Variants in COL12A1 observed in about 807,000 individuals in gnomAD.
COL12A1 encodes collagen alpha-1(XII) chain.
COL12A1 carries 114 observed loss-of-function variants against 349.7 expected under a neutral mutation model. The observed-to-expected ratio is 0.33, with a 90% CI of 0.28 to 0.38. COL12A1 has a LOEUF of 0.38. COL12A1 is among the 10% of genes least tolerant of loss of function. COL12A1 has a pLI of 1.00. For missense variants in COL12A1, 3,284 were observed against 3,756.9 expected (o/e 0.87, Z 3.29); for synonymous variants, 1,369 against 1,329.0 (o/e 1.03, Z -0.66).
intron 52 of COL12A1, among the ~76,000 whole-genome samples, chr6:75,108,455 A>G (rs1385777349): frequency 2.0e-5 from 3 of 152,046 alleles, no homozygotes; most frequent in African/African-American, 4.8e-5. Context: ...AATTTTCCCT[A>G]TTAGATAGCA....
At chr6:75,087,478 A>T in intron 65 of COL12A1, 99 bp downstream of exon 65, 1 of 1,174,460 alleles carries the variant, frequency 8.5e-7, no homozygotes, top group Non-Finnish European at 1.2e-6. Context: ...TATCTTCAAG[A>T]CATCTTCAAA....
Position 75,143,061 on chromosome 6 carries a change from C to T in COL12A1, c.4827+191G>A, listed in dbSNP as rs11753997. Reference sequence around the variant, plus strand: ...ATTAATATCACACAGCAAAACATTTCTGTTTTGACAAGACAGTCCAATATA... The same window carrying T: ...ATTAATATCACACAGCAAAACATTTTTGTTTTGACAAGACAGTCCAATATA... On this transcript the variant is annotated intron_variant, in intron 26 of 65. Transcript: ENST00000322507. 0.089 allele frequency: 52,401 copies of T among 590,308 alleles called. 2,839 individuals carry two copies. The highest frequency in any genetic ancestry group is 0.11 in the South Asian group (5,337 of 47,368). 36.6% of individuals were successfully genotyped at this position (590,308 alleles called of 1,614,324 possible).
Position 75,090,858 on chromosome 6 carries a change from T to G in COL12A1, c.8752+465A>C, listed in dbSNP as rs889641634. On this transcript the variant is annotated intron_variant, in intron 62 of 65. Transcript: ENST00000322507. This position sits in a 1 kb window ranked among gnomAD's most constrained non-coding sequence, Gnocchi z 4.1. ...GTACCGCACTTTGGAAAACATTGAT[T>G]AAGACTTCTCTAAGAGTGAGTTATG... Among the ~76,000 whole-genome samples the G allele has an allele frequency of 1.3e-5, 2 of 152,176 alleles. No homozygotes were observed. The highest frequency in any genetic ancestry group is 2.9e-5 in the Non-Finnish European group (2 of 68,032).
intron 10 of COL12A1, among the ~76,000 whole-genome samples, chr6:75,182,106 A>C: frequency 6.6e-6 from 1 of 151,758 alleles, no homozygotes; most frequent in East Asian, 2.0e-4. Flanking sequence ...AAAAAAAAAA[A>C]AAAAAGAAAA....
chr6:75,102,628 C>T lies in COL12A1; in HGVS notation c.8384G>A (p.Gly2795Glu). Reference sequence around the variant, plus strand: ...TCCCGGAATAGAGAGTCCATTGGGTCCCTGAGGGCCTGGAGGACCCTGGGG... The same window carrying T: ...TCCCGGAATAGAGAGTCCATTGGGTTCCTGAGGGCCTGGAGGACCCTGGGG... Reference protein sequence around the residue: ...PGPQGPPGPQGPNGLSIPGEQ... With the variant: ...PGPQGPPGPQEPNGLSIPGEQ... The change falls in exon 56 of 66, where the codon GGA (glycine) becomes GAA (glutamate). Residue 2795 changes from glycine to glutamate, a missense_variant. Transcript: ENST00000322507. 6.4e-7 allele frequency: 1 copy of T among 1,564,862 alleles called. No homozygotes were observed. The highest frequency in any genetic ancestry group is 1.2e-5 in the South Asian group (1 of 83,956).
rs1276807384 is a variant in COL12A1, at chr6:75,134,828, C to T, written c.5422G>A (p.Val1808Met). The T allele has an allele frequency of 6.2e-7, 1 of 1,612,492 alleles. No individual in the cohort carries two copies. Reference sequence around the variant, plus strand: ...TCTGGCTTCAGTTTCTGCAGGACCACACTGTTCTGCCGTCCTCCTATTGTG... The same window carrying T: ...TCTGGCTTCAGTTTCTGCAGGACCATACTGTTCTGCCGTCCTCCTATTGTG... ...TTTIGGRQNS[V>M]VLQKLKPDTP... The change falls in exon 32 of 66, where the codon GTG becomes ATG. Residue 1808 changes from valine to methionine, a missense_variant. Val to Met is a conservative substitution (Grantham distance 21). Around this residue, in one of 2 missense-constraint regions of COL12A1, gnomAD observed 2,601 missense variants for 2,824.8 expected, o/e 0.92. Transcript: ENST00000322507.
In COL12A1 at chr6:75,085,506, A is replaced by G. The variant is rs1023051479; in HGVS notation, c.*1041T>C. 9.7e-6 allele frequency: 3 copies of G among 310,490 alleles called. No homozygotes were observed. The highest frequency in any genetic ancestry group is 8.2e-5 in the South Asian group (3 of 36,516). The allele number at this position is 310,490 out of a possible 1,614,324, so 19.2% of individuals were successfully genotyped here. On this transcript the variant is annotated 3_prime_UTR_variant, in exon 66 of 66. Transcript: ENST00000322507. ...TAAATAGATAAGTTACAATGTCCCA[A>G]TTATTTCCAGATAATTTGGTGATAA...
intron 8 of COL12A1, among the ~76,000 whole-genome samples, chr6:75,186,450 T>C (rs1277366532): frequency 6.6e-6 from 1 of 152,130 alleles, no homozygotes; most frequent in Non-Finnish European, 1.5e-5. Context: ...ATGGCTATTA[T>C]TAAAAAGTCA....
chr6:75,142,214 C>T (rs891212632), intron 26 of COL12A1, 53 bp from the exon 27 acceptor site: 10 of 1,605,784 alleles, frequency 6.2e-6, no homozygotes, highest in Middle Eastern at 1.7e-4. Flanking sequence ...TTACTTTTGA[C>T]ATCTCTCTGT....
rs370349310 is a variant in COL12A1 at position 75,119,031 on chromosome 6, G to A, written c.7354+12C>T. The A allele has an allele frequency of 1.2e-6, 2 of 1,613,106 alleles. No homozygotes were observed. Among genetic ancestry groups the A allele is most frequent in the Non-Finnish European group, 1.7e-6 (2 of 1,179,652 alleles). On this transcript the variant is annotated intron_variant, in intron 46 of 65. Coordinates refer to ENST00000322507, the MANE Select transcript of COL12A1 (RefSeq NM_004370.6). ...AAATTTCAAGTGCAATCAAATTCAT[G>A]TATGTGCTTGCCTGACTGCTGGATG...
At chr6:75,141,048 T>C (rs1005666680) in intron 27 of COL12A1, among the ~76,000 whole-genome samples, 4 of 152,256 alleles carry the variant, frequency 2.6e-5, no homozygotes, top group Admixed American at 2.6e-4. Flanking sequence ...TTATAATGGA[T>C]ATATTTGGAT....
In COL12A1 at chr6:75,119,218, C is replaced by T. The variant is rs756555436; in HGVS notation, c.7211-32G>A. Reference sequence around the variant, plus strand: ...AATGTGGCATGGAAAATTTTAGTGTCACTTCAGTGAAAACTACCCAAATGC... The same window carrying T: ...AATGTGGCATGGAAAATTTTAGTGTTACTTCAGTGAAAACTACCCAAATGC... On this transcript the variant is annotated intron_variant, in intron 45 of 65. Coordinates refer to ENST00000322507, the MANE Select transcript of COL12A1 (RefSeq NM_004370.6). The T allele has an allele frequency of 3.1e-6, 5 of 1,613,438 alleles. No homozygotes were observed. The African/African-American group carries it at 4.0e-5, about 13-fold the overall frequency.
intron 8 of COL12A1, among the ~76,000 whole-genome samples, chr6:75,187,913 C>T (rs955142065): frequency 1.3e-5 from 2 of 152,124 alleles, no homozygotes; most frequent in Non-Finnish European, 2.9e-5. Context: ...GCTTTCAAAA[C>T]ATTACTCAGA....
chr6:75,180,890 C>A lies in COL12A1; in HGVS notation c.2164+49G>T, dbSNP rs552418890. 21 of 1,577,190 alleles carry A rather than the reference C, an allele frequency of 1.3e-5. No homozygotes were observed. The South Asian group carries it at 2.2e-4, about 16-fold the overall frequency. On this transcript the variant is annotated intron_variant, in intron 11 of 65. Coordinates refer to ENST00000322507, the MANE Select transcript of COL12A1 (RefSeq NM_004370.6). ...TATTACAAACTGTAACTTTGTAGTGCAATAAATTATTCATTTTCTGAATAA... is the reference window on the plus strand; with the variant it reads ...TATTACAAACTGTAACTTTGTAGTGAAATAAATTATTCATTTTCTGAATAA...
chr6:75,191,274 A>G (rs955079294), intron 5 of COL12A1, among the ~76,000 whole-genome samples: 4 of 151,996 alleles, frequency 2.6e-5, no homozygotes, highest in African/African-American at 9.7e-5. Flanking sequence ...TTTCATGGCA[A>G]TTGTATTACT....
intron 22 of COL12A1, 21 bp downstream of exon 22, chr6:75,148,337 G>T: frequency 6.2e-7 from 1 of 1,607,648 alleles, no homozygotes; most frequent in Non-Finnish European, 8.5e-7. Flanking sequence ...GAAGAAGTAA[G>T]TTATAGGTGT....
rs1026834175 is a variant in COL12A1, at chr6:75,134,026, A to G, written c.5525-29T>C. 4.4e-6 allele frequency: 7 copies of G among 1,602,168 alleles called. No homozygotes were observed. The African/African-American group carries it at 5.4e-5, about 12-fold the overall frequency. ...AAATGCACAGAAATCCCATCACAGT[A>G]TAATGCTAACAATCAAGCACACATG... is the stretch of plus-strand genomic sequence containing the variant. On this transcript the variant is annotated intron_variant, in intron 32 of 65. Transcript: ENST00000322507.
At chr6:75,105,350 TC>T in intron 53 of COL12A1, 58 bp from the exon 54 acceptor site, 2 of 1,232,952 alleles carry the variant, frequency 1.6e-6, no homozygotes, top group Non-Finnish European at 2.4e-6. Context: ...TGACTTCCCA[TC>T]CCCACCCCCA....
intron 13 of COL12A1, among the ~76,000 whole-genome samples, chr6:75,172,111 G>C (rs775254122): frequency 1.9e-4 from 29 of 152,128 alleles, no homozygotes; most frequent in Non-Finnish European, 3.7e-4. Context: ...TTCCCTTAGA[G>C]ATTGTTTCTT....
Sources: gnomAD v4.1 joint callset for allele counts (sites outside exome capture counted in the v4.1 genomes callset) on GRCh38, gnomAD v4.1.1 for gene constraint, gnomAD v4.1.1 regional missense constraint, Gnocchi (gnomAD v3.1) non-coding constraint, MANE v1.5 for transcripts, NCBI Gene and HGNC (gene_info 2026-07-23, HGNC 2026-07-21) for gene names.